GAS7: variants seen among roughly 807,000 people sequenced by gnomAD.
GAS7 encodes the protein growth arrest specific 7, also known as growth arrest-specific protein 7.
Under a neutral mutation model 71.1 loss-of-function variants are expected in GAS7, and 28 were observed. The observed-to-expected ratio is 0.39, with a 90% CI of 0.29 to 0.54. The LOEUF is 0.54. Ranked by LOEUF, GAS7 falls within the 20% of genes least tolerant of loss-of-function variation. GAS7 has a pLI of 0.62. For missense variants in GAS7, 436 were observed against 627.8 expected, an observed-to-expected ratio of 0.69 and a Z score of 3.27; for synonymous variants, 258 against 245.8, an observed-to-expected ratio of 1.05 and a Z score of -0.46.
chr17:10,110,961 T>C (rs896803457), intron 1 of GAS7, among the ~76,000 whole-genome samples: 2 of 152,174 alleles, frequency 1.3e-5, no homozygotes, highest in Non-Finnish European at 2.9e-5. Flanking sequence ...CAACCAAATA[T>C]CACATCTACC....
At chr17:9,989,445 G>A (rs1233635514) in intron 2 of GAS7, among the ~76,000 whole-genome samples, 3 of 152,034 alleles carry the variant, frequency 2.0e-5, no homozygotes, top group Admixed American at 6.6e-5. Flanking sequence ...TCCTCCTTCA[G>A]CTTAAATTCT....
intron 6 of GAS7, among the ~76,000 whole-genome samples, chr17:9,944,858 T>C (rs1597503030): frequency 6.6e-6 from 1 of 152,222 alleles, no homozygotes; most frequent in Non-Finnish European, 1.5e-5. Context: ...AGGATGGATA[T>C]GCTGAGCTAT....
At chr17:10,168,081 G>A (rs1036233202) in intron 1 of GAS7, among the ~76,000 whole-genome samples, 1 of 152,094 alleles carries the variant, frequency 6.6e-6, no homozygotes, top group Non-Finnish European at 1.5e-5. Context: ...CCAAGCAGCT[G>A]GGATTACAGG....
rs762410053 is a variant in GAS7 at position 9,919,969 on chromosome 17, T to TTTTG, written c.1139-265_1139-264insCAAA. Among the ~76,000 whole-genome samples the TTTTG allele has an allele frequency of 4.6e-5, 6 of 131,498 alleles. No individual in the cohort carries two copies. In the East Asian group the frequency reaches 9.4e-4, roughly 21 times the overall value. 86.3% of individuals were successfully genotyped at this position (131,498 alleles called of 152,430 possible). On this transcript the variant is annotated intron_variant, in intron 11 of 13. Coordinates refer to ENST00000432992, the MANE Select transcript of GAS7 (RefSeq NM_201433.2). This position sits in a 1 kb window ranked among gnomAD's most constrained non-coding sequence, Gnocchi z 5.0. Reference sequence around the variant, plus strand: ...AGGATTCAGGATGGTGGTTCTCATTTTGTGTGTGTGTGTGTGTGTGTGTGT... The same window carrying TTTTG: ...AGGATTCAGGATGGTGGTTCTCATTTTTTGTGTGTGTGTGTGTGTGTGTGTGTGT...
chr17:9,920,451 A>G (rs2067764830), intron 11 of GAS7, among the ~76,000 whole-genome samples: 12 of 152,244 alleles, frequency 7.9e-5, no homozygotes, highest in Admixed American at 7.8e-4. Context: ...ATGTATGTTT[A>G]GAACATTTTG....
chr17:9,920,631 G>C (rs1176634975), intron 11 of GAS7, among the ~76,000 whole-genome samples: 1 of 152,200 alleles, frequency 6.6e-6, no homozygotes, highest in Admixed American at 6.5e-5. Flanking sequence ...CTGAATCAGA[G>C]ACTGCATGTT....
Position 9,969,848 on chromosome 17 carries a change from C to A in GAS7, c.386-86G>T, listed in dbSNP as rs2069886066. Reference sequence around the variant, plus strand: ...TCGTCCACTGCAGCCCCTTTTCCCACCTCCTTCCTTGGCTCTGAGAGGTCT... The same window carrying A: ...TCGTCCACTGCAGCCCCTTTTCCCAACTCCTTCCTTGGCTCTGAGAGGTCT... On this transcript the variant is annotated intron_variant, in intron 3 of 13. Coordinates refer to ENST00000432992, the MANE Select transcript of GAS7 (RefSeq NM_201433.2). The surrounding 1 kb of genome is among the most constrained non-coding windows in gnomAD (Gnocchi z 5.5). The A allele has an allele frequency of 2.4e-6, 2 of 847,768 alleles. No individual in the cohort carries two copies. The highest frequency in any genetic ancestry group is 1.4e-5 in the South Asian group (1 of 71,178). The allele number at this position is 847,768 out of a possible 1,614,324, so 52.5% of individuals were successfully genotyped here. A position where few individuals can be genotyped will look rare whatever the true frequency, so the allele number is the denominator to read the frequency against.
chr17:9,911,030 TG>T lies in GAS7; in HGVS notation c.*6197del, dbSNP rs1597421445. On this transcript the variant is annotated 3_prime_UTR_variant, in exon 14 of 14. Coordinates refer to ENST00000432992, the MANE Select transcript of GAS7 (RefSeq NM_201433.2). The surrounding 1 kb of genome is among the most constrained non-coding windows in gnomAD (Gnocchi z 4.0). ...TTCATAGGGTTTGCCGATGTGCTCG[TG>T]TCTGTGAAGGGGTTGCTTCCGGTCA... 1 of 233,066 alleles carries T rather than the reference TG, an allele frequency of 4.3e-6. No individual in the cohort carries two copies. The highest frequency in any genetic ancestry group is 2.2e-5 in the African/African-American group (1 of 45,314). The allele number at this position is 233,066 out of a possible 1,614,324, so 14.4% of individuals were successfully genotyped here.
rs376515542 is a variant in GAS7 at position 10,168,287 on chromosome 17, A to G, written c.183+29921T>C. 1.2e-4 allele frequency among the ~76,000 whole-genome samples: 18 copies of G among 152,364 alleles called. No homozygotes were observed. In the East Asian group the frequency reaches 3.1e-3, roughly 26 times the overall value. On this transcript the variant is annotated intron_variant, in intron 1 of 13. Coordinates refer to ENST00000432992, the MANE Select transcript of GAS7 (RefSeq NM_201433.2). Reference sequence around the variant, plus strand: ...TTCAAGATACATTATCAAGTGAGAAAAAAAAGAAGTTAAGAAATAATAGCT... The same window carrying G: ...TTCAAGATACATTATCAAGTGAGAAGAAAAAGAAGTTAAGAAATAATAGCT...
intron 2 of GAS7, among the ~76,000 whole-genome samples, chr17:10,018,025 T>C (rs1026413912): frequency 3.3e-5 from 5 of 152,238 alleles, no homozygotes; most frequent in African/African-American, 1.2e-4. Context: ...ACCCATGCGA[T>C]GGATTACTAC....
At chr17:10,169,796 A>G (rs370777814) in intron 1 of GAS7, among the ~76,000 whole-genome samples, 94 of 152,244 alleles carry the variant, frequency 6.2e-4, no homozygotes, top group African/African-American at 2.0e-3. Flanking sequence ...CTTCAAATTT[A>G]TACCTACCTT....
rs953472345 is a variant in GAS7 at position 10,070,544 on chromosome 17, A to G, written c.184-50647T>C. Reference sequence around the variant, plus strand: ...ATGCCTCGCTAATTTTTGTATTTTTAGTAGAGACGGGGTTTCACCATGTTC... The same window carrying G: ...ATGCCTCGCTAATTTTTGTATTTTTGGTAGAGACGGGGTTTCACCATGTTC... On this transcript the variant is annotated intron_variant, in intron 1 of 13. Transcript: ENST00000432992. 4.6e-5 allele frequency among the ~76,000 whole-genome samples: 7 copies of G among 151,486 alleles called. No individual in the cohort carries two copies. In the East Asian group the frequency reaches 7.8e-4, roughly 17 times the overall value.
chr17:10,039,684 A>AAAAT (rs1038824045), intron 1 of GAS7: 32 of 451,640 alleles, frequency 7.1e-5, no homozygotes, highest in Admixed American at 4.6e-4. Context: ...CCCTGTCTCA[A>AAAAT]AAATAAATAA....
chr17:10,172,328 A>C (rs1261426878), intron 1 of GAS7, among the ~76,000 whole-genome samples: 2 of 152,168 alleles, frequency 1.3e-5, no homozygotes, highest in African/African-American at 2.4e-5. Flanking sequence ...CCTCTGCCGC[A>C]TGTCCGGCCC....
Position 9,946,972 on chromosome 17 carries a change from C to G in GAS7, c.537G>C (p.Val179=), listed in dbSNP as rs1567808241. 6.2e-7 allele frequency: 1 copy of G among 1,611,108 alleles called. No homozygotes were observed. Among genetic ancestry groups the G allele is most frequent in the Non-Finnish European group, 8.5e-7 (1 of 1,177,374 alleles). ...SKENTITINC[V]TFPHPDTMPE... ...GCATCGTGTCTGGGTGAGGGAACGT[C>G]ACACAGTTTATCTGTAGGGCACAGA... Residue 179 remains valine (V), a synonymous_variant, in exon 6 of 14, where the codon GTG becomes GTC. Coordinates refer to ENST00000432992, the MANE Select transcript of GAS7 (RefSeq NM_201433.2).
At chr17:10,035,685 T>C (rs1424008985) in intron 1 of GAS7, among the ~76,000 whole-genome samples, 6 of 152,158 alleles carry the variant, frequency 3.9e-5, no homozygotes, top group African/African-American at 1.2e-4. Context: ...ACCACTCTCT[T>C]GGAGGTCCTC....
intron 1 of GAS7, among the ~76,000 whole-genome samples, chr17:10,074,473 T>C (rs2073371389): frequency 6.6e-6 from 1 of 152,202 alleles, no homozygotes; most frequent in Non-Finnish European, 1.5e-5. Context: ...CTTCTCAGTG[T>C]TGGATAGCAA....
chr17:10,170,506 G>A (rs1025015669), intron 1 of GAS7, among the ~76,000 whole-genome samples: 1 of 152,174 alleles, frequency 6.6e-6, no homozygotes, highest in African/African-American at 2.4e-5. Flanking sequence ...CAATCCACGT[G>A]CTTACTCCAT....
intron 1 of GAS7, among the ~76,000 whole-genome samples, chr17:10,118,286 G>A (rs776153618): frequency 6.6e-6 from 1 of 152,182 alleles, no homozygotes; most frequent in Non-Finnish European, 1.5e-5. Context: ...AGTCATGGGA[G>A]CACAGCTGGA....
Sources: gnomAD v4.1 joint callset for allele counts (sites outside exome capture counted in the v4.1 genomes callset) on GRCh38, gnomAD v4.1.1 for gene constraint, Gnocchi (gnomAD v3.1) non-coding constraint, MANE v1.5 for transcripts, NCBI Gene and HGNC (gene_info 2026-07-23, HGNC 2026-07-21) for gene names.